Variants in STK33 observed in about 807,000 individuals in gnomAD.
STK33 encodes the protein serine/threonine-protein kinase 33.
In STK33, 52 loss-of-function variants were observed where a neutral mutation model predicts 58.0. The observed-to-expected ratio is 0.90, with a 90% CI of 0.72 to 1.13. The LOEUF (loss-of-function observed/expected upper bound fraction) is 1.13, where lower values mean the gene tolerates loss of function less well. Ranked by LOEUF, STK33 falls within the 50% of genes most tolerant of loss-of-function variation. The probability of loss-of-function intolerance (pLI) is 0.00; values close to 1 mark genes in which losing one functional copy is unlikely to be tolerated. For missense variants in STK33, 630 were observed against 604.2 expected, an observed-to-expected ratio of 1.04 and a Z score of -0.45; for synonymous variants, 215 against 200.1, an observed-to-expected ratio of 1.07 and a Z score of -0.63.
At chr11:8,578,043 C>T (rs1958309515) in intron 1 of STK33, among the ~76,000 whole-genome samples, 1 of 152,106 alleles carries the variant, frequency 6.6e-6, no homozygotes, top group Admixed American at 6.6e-5. Context: ...AGACATCTCT[C>T]ACTACAAGTC....
chr11:8,474,780 C>T lies in STK33; in HGVS notation c.126G>A (p.Met42Ile). Residue 42 changes from methionine (M) to isoleucine (I), a missense_variant, in exon 5 of 16, where the codon ATG becomes ATA. Coordinates refer to ENST00000687296, the MANE Select transcript of STK33 (RefSeq NM_001352389.2). Reference protein sequence around the residue: ...TRVPPVLVVEMSQTSSIGSAE... With the variant: ...TRVPPVLVVEISQTSSIGSAE... ...CACTACCAATGCTTGATGTCTGTGA[C>T]ATTTCCACCACCAAAACTGGAGGAA... The T allele has an allele frequency of 6.2e-7, 1 of 1,613,394 alleles. No homozygotes were observed. Among genetic ancestry groups the T allele is most frequent in the Non-Finnish European group, 8.5e-7 (1 of 1,179,740 alleles).
the STK33 span, among the ~76,000 whole-genome samples, chr11:8,348,254 C>T: frequency 2.6e-5 from 4 of 152,198 alleles, no homozygotes; most frequent in Non-Finnish European, 5.9e-5. Context: ...CTAATAAAGA[C>T]ATACCTGAGA....
At chr11:8,414,193 C>T (rs185903660) in intron 14 of STK33, among the ~76,000 whole-genome samples, 3 of 152,238 alleles carry the variant, frequency 2.0e-5, no homozygotes, top group South Asian at 2.1e-4. Flanking sequence ...AAATCCCTTA[C>T]CTGTCTGGAA....
At chr11:8,498,506 T>A (rs958482091) in intron 1 of STK33, among the ~76,000 whole-genome samples, 1 of 152,148 alleles carries the variant, frequency 6.6e-6, no homozygotes, top group Non-Finnish European at 1.5e-5. Flanking sequence ...GAAAGAGCCA[T>A]ACTGCCCAAA....
intron 1 of STK33, among the ~76,000 whole-genome samples, chr11:8,483,110 T>C (rs1157273983): frequency 1.3e-5 from 2 of 152,158 alleles, no homozygotes; most frequent in Non-Finnish European, 2.9e-5. Context: ...GTCTGACACA[T>C]ATTATTGCTT....
At chr11:8,443,007 C>A (rs1375124555) in intron 11 of STK33, among the ~76,000 whole-genome samples, 1 of 152,132 alleles carries the variant, frequency 6.6e-6, no homozygotes, top group Non-Finnish European at 1.5e-5. Context: ...CAGAAATGTT[C>A]TATGACTTGA....
At chr11:8,388,148 C>T (rs1451438838), downstream of STK33, among the ~76,000 whole-genome samples, 1 of 150,698 alleles carries the variant, frequency 6.6e-6, no homozygotes, top group Non-Finnish European at 1.5e-5. Context: ...GCTAAGGTAC[C>T]TGGGATGGCA....
intron 1 of STK33, among the ~76,000 whole-genome samples, chr11:8,558,469 G>A (rs1376576528): frequency 1.3e-5 from 2 of 151,774 alleles, no homozygotes; most frequent in African/African-American, 2.4e-5. Flanking sequence ...TATGTTAAAT[G>A]GTTAGGAAAC....
At chr11:8,363,216 G>C in the STK33 span, among the ~76,000 whole-genome samples, 30 of 152,180 alleles carry the variant, frequency 2.0e-4, no homozygotes, top group African/African-American at 7.2e-4. Flanking sequence ...GTGAAGAAGG[G>C]GAAAAAGGCC....
chr11:8,539,141 T>C (rs1300512161), intron 1 of STK33, among the ~76,000 whole-genome samples: 2 of 152,248 alleles, frequency 1.3e-5, no homozygotes. Flanking sequence ...AGAAGAGGTA[T>C]TCTGAAGGAG....
At chr11:8,359,224 G>A in the STK33 span, among the ~76,000 whole-genome samples, 47 of 152,246 alleles carry the variant, frequency 3.1e-4, 1 homozygote, top group African/African-American at 1.1e-3. Context: ...TGGGATGCTT[G>A]GTGCATCTTG....
chr11:8,339,703 G>T, the STK33 span, among the ~76,000 whole-genome samples: 1 of 151,818 alleles, frequency 6.6e-6, no homozygotes, highest in African/African-American at 2.4e-5. Flanking sequence ...AAGAGCTAGG[G>T]CAAGGGTGGG....
At chr11:8,469,045 G>A (rs532232022) in intron 6 of STK33, among the ~76,000 whole-genome samples, 3 of 152,196 alleles carry the variant, frequency 2.0e-5, no homozygotes, top group African/African-American at 7.2e-5. Context: ...GATGACTGAT[G>A]ACTGATTAGG....
downstream of STK33, among the ~76,000 whole-genome samples, chr11:8,387,278 C>T (rs975454704): frequency 2.0e-5 from 3 of 152,122 alleles, no homozygotes; most frequent in African/African-American, 7.2e-5. Context: ...TCAAACTTCA[C>T]GGTAGCTTAG....
At chr11:8,548,931 T>G (rs1956126032) in intron 1 of STK33, among the ~76,000 whole-genome samples, 1 of 152,200 alleles carries the variant, frequency 6.6e-6, no homozygotes, top group South Asian at 2.1e-4. Flanking sequence ...TGTTCACTGT[T>G]GGTGTATAAA....
chr11:8,370,140 G>A, the STK33 span, among the ~76,000 whole-genome samples: 7 of 152,290 alleles, frequency 4.6e-5, no homozygotes, highest in African/African-American at 1.2e-4. Context: ...GGAGGATTGC[G>A]GTAGAGCTAA....
intron 11 of STK33, among the ~76,000 whole-genome samples, chr11:8,449,323 C>T: frequency 6.6e-6 from 1 of 151,618 alleles, no homozygotes; most frequent in East Asian, 1.9e-4. Context: ...GCCATAAAGA[C>T]ACATGCACAC....
chr11:8,430,376 T>C (rs1177702863), intron 14 of STK33, among the ~76,000 whole-genome samples: 1 of 152,146 alleles, frequency 6.6e-6, no homozygotes. Context: ...CACCCTTAAG[T>C]AATTTTTATA....
At chr11:8,482,675 T>G (rs1223384256) in intron 1 of STK33, among the ~76,000 whole-genome samples, 1 of 152,166 alleles carries the variant, frequency 6.6e-6, no homozygotes, top group Non-Finnish European at 1.5e-5. Flanking sequence ...TTCCCCTGTA[T>G]GTAAAGCAAA....
Sources: allele counts gnomAD v4.1 joint callset (sites outside exome capture counted in the v4.1 genomes callset), GRCh38; gene constraint gnomAD v4.1.1; transcripts MANE v1.5; gene names NCBI Gene and HGNC (gene_info 2026-07-23, HGNC 2026-07-21).